SOS1: variants seen among roughly 807,000 people sequenced by gnomAD.
The protein encoded by SOS1 is SOS Ras/Rac guanine nucleotide exchange factor 1.
In SOS1, 25 loss-of-function variants were observed where a neutral mutation model predicts 157.6. That is an observed-to-expected ratio of 0.16 (90% CI 0.12 to 0.22). SOS1 has a LOEUF of 0.22. Ranked by LOEUF, SOS1 falls within the 10% of genes least tolerant of loss-of-function variation. The probability of loss-of-function intolerance (pLI) is 1.00; values close to 1 mark genes in which losing one functional copy is unlikely to be tolerated. For synonymous variants in SOS1, 528 were observed against 534.0 expected, an observed-to-expected ratio of 0.99 and a Z score of 0.16; for missense variants, 1,237 against 1,599.1, an observed-to-expected ratio of 0.77 and a Z score of 3.86.
intron 8 of SOS1, among the ~76,000 whole-genome samples, chr2:39,027,663 T>G (rs1296531009): frequency 3.3e-5 from 5 of 152,194 alleles, no homozygotes. Context: ...CCAGTGATAT[T>G]CAATACCATG....
chr2:39,096,956 T>A (rs1313005055), intron 1 of SOS1, among the ~76,000 whole-genome samples: 1 of 151,710 alleles, frequency 6.6e-6, no homozygotes, highest in African/African-American at 2.4e-5. Context: ...TTGCCAGAAA[T>A]AAAATCCCTA....
chr2:39,010,183 G>A (rs1388105211), intron 15 of SOS1, among the ~76,000 whole-genome samples: 2 of 152,018 alleles, frequency 1.3e-5, no homozygotes, highest in African/African-American at 4.8e-5. Flanking sequence ...GGGTGTGGTG[G>A]TGTGCGTCTG....
At chr2:39,113,200 A>G (rs1403656127) in intron 1 of SOS1, among the ~76,000 whole-genome samples, 3 of 151,894 alleles carry the variant, frequency 2.0e-5, no homozygotes, top group Non-Finnish European at 2.9e-5. Context: ...TTATTCATTA[A>G]TGTATTTAGA....
rs1221753132 is a variant in SOS1 at position 39,031,603 on chromosome 2, G to A, written c.1074+3609C>T. 6.6e-5 allele frequency among the ~76,000 whole-genome samples: 10 copies of A among 152,022 alleles called. No homozygotes were observed. In the East Asian group the frequency reaches 9.7e-4, roughly 15 times the overall value. ...AAATTAGCCAGGCGTAGTGGCGGGC[G>A]TCTGTAATTCCAGCTACTTGGGAAG... On this transcript the variant is annotated intron_variant, in intron 8 of 22. Transcript: ENST00000402219.
chr2:39,047,763 C>G (rs758497996), intron 6 of SOS1, among the ~76,000 whole-genome samples: 1 of 152,126 alleles, frequency 6.6e-6, no homozygotes, highest in Non-Finnish European at 1.5e-5. Flanking sequence ...CTCTATCTCC[C>G]AAGTTCAAGC....
chr2:39,012,087 T>C, intron 14 of SOS1, 39 bp downstream of exon 14: 1 of 1,422,428 alleles, frequency 7.0e-7, no homozygotes, highest in African/African-American at 1.4e-5. Context: ...AGTTAACTCT[T>C]TTGAAATGAC....
chr2:39,062,872 A>C (rs1459149255), intron 2 of SOS1, among the ~76,000 whole-genome samples: 1 of 152,066 alleles, frequency 6.6e-6, no homozygotes. Flanking sequence ...TTTATTATAA[A>C]AGAGGGAAAG....
chr2:39,124,282 C>T (rs1489150369), upstream of SOS1: 1 of 152,412 alleles, frequency 6.6e-6, no homozygotes, highest in Non-Finnish European at 1.5e-5. Context: ...CACCAATCCC[C>T]CGCGCCAGCC....
intron 1 of SOS1, among the ~76,000 whole-genome samples, chr2:39,105,825 TGGGTGCAGA>T (rs1335267890): frequency 2.0e-5 from 3 of 152,124 alleles, no homozygotes; most frequent in East Asian, 3.9e-4. Context: ...ACTAGAACTC[TGGGTGCAGA>T]GGTTGCAGTG....
chr2:39,099,416 T>C lies in SOS1; in HGVS notation c.87+20920A>G, dbSNP rs79320972. 7.3e-3 allele frequency among the ~76,000 whole-genome samples: 1,104 copies of C among 152,040 alleles called. 11 individuals are homozygous for C. Among genetic ancestry groups the C allele is most frequent in the African/African-American group, 0.026 (1,060 of 41,458 alleles). On this transcript the variant is annotated intron_variant, in intron 1 of 22. Coordinates refer to ENST00000402219, the MANE Select transcript of SOS1 (RefSeq NM_005633.4). ...CAGACAAATCCATAAAGACAGAAAA[T>C]AGATTAATGGTTACCTGGGGCTGGA...
intron 21 of SOS1, chr2:38,987,801 A>G: frequency 1.9e-6 from 1 of 524,100 alleles, no homozygotes; most frequent in East Asian, 3.4e-5. Context: ...TTTAGAAAAA[A>G]GCTGCCTAAG....
chr2:39,035,552 A>G (rs772946426), intron 6 of SOS1, 52 bp from the exon 7 acceptor site: 8 of 1,341,896 alleles, frequency 6.0e-6, no homozygotes, highest in Non-Finnish European at 8.6e-6. Flanking sequence ...ACAAACACAG[A>G]AAGATTTAAT....
intron 6 of SOS1, among the ~76,000 whole-genome samples, chr2:39,042,061 T>C (rs1670590991): frequency 6.6e-6 from 1 of 152,216 alleles, no homozygotes; most frequent in African/African-American, 2.4e-5. Flanking sequence ...CTCTTTATTC[T>C]GTTCTGCTAC....
At chr2:39,120,141 T>C (rs1024604237) in intron 1 of SOS1, among the ~76,000 whole-genome samples, 195 bp downstream of exon 1, 1 of 152,042 alleles carries the variant, frequency 6.6e-6, no homozygotes, top group Non-Finnish European at 1.5e-5. Context: ...CCCTGCGGCA[T>C]TCCCACACAC....
intron 8 of SOS1, among the ~76,000 whole-genome samples, chr2:39,027,999 T>G (rs191310424): frequency 1.2e-3 from 177 of 152,166 alleles, no homozygotes; most frequent in Admixed American, 2.9e-3. Flanking sequence ...CCCAGAAAAT[T>G]TTTGTATTTT....
chr2:39,037,094 T>C (rs1670382789), intron 6 of SOS1, among the ~76,000 whole-genome samples: 1 of 152,254 alleles, frequency 6.6e-6, no homozygotes, highest in Non-Finnish European at 1.5e-5. Context: ...CTGGATTCCT[T>C]GAGCTGGCTC....
At chr2:39,088,327 A>G (rs1478761392) in intron 1 of SOS1, among the ~76,000 whole-genome samples, 1 of 150,168 alleles carries the variant, frequency 6.7e-6, no homozygotes, top group Non-Finnish European at 1.5e-5. Context: ...TTTTTTTTCA[A>G]CTGTGGTAAA....
At chr2:39,112,338 C>A (rs939122354) in intron 1 of SOS1, among the ~76,000 whole-genome samples, 17 of 152,114 alleles carry the variant, frequency 1.1e-4, no homozygotes, top group African/African-American at 4.1e-4. Flanking sequence ...TCCTCTCTCT[C>A]CCTCTCTCTC....
intron 6 of SOS1, among the ~76,000 whole-genome samples, chr2:39,045,264 G>C (rs1255536212): frequency 6.5e-5 from 9 of 139,138 alleles, no homozygotes; most frequent in African/African-American, 2.4e-4. Context: ...GAGAGAGAGA[G>C]AGAGAGAGAG....
Sources: allele counts gnomAD v4.1 joint callset (sites outside exome capture counted in the v4.1 genomes callset), GRCh38; gene constraint gnomAD v4.1.1; transcripts MANE v1.5; gene names NCBI Gene and HGNC (gene_info 2026-07-23, HGNC 2026-07-21).